Variants in UGDH observed in about 807,000 individuals in gnomAD.
The protein encoded by UGDH is UDP-Glc dehydrogenase.
In UGDH, 38 loss-of-function variants were observed where a neutral mutation model predicts 50.6. The observed-to-expected ratio is 0.75, with a 90% CI of 0.58 to 0.98. The LOEUF (loss-of-function observed/expected upper bound fraction) is 0.98. UGDH is among the 50% of genes least tolerant of loss of function. UGDH has a pLI of 0.00. For synonymous variants in UGDH, 168 were observed against 199.9 expected (o/e 0.84, Z 1.35); for missense variants, 465 against 606.2 (o/e 0.77, Z 2.45).
intron 11 of UGDH, 67 bp downstream of exon 11, chr4:39,503,808 C>T (rs1745918632): frequency 2.2e-6 from 3 of 1,378,742 alleles, no homozygotes; most frequent in Non-Finnish European, 3.0e-6. Flanking sequence ...GATTATAGTC[C>T]CCAGTTGTTG....
chr4:39,524,662 C>G (rs1746805436), intron 1 of UGDH, among the ~76,000 whole-genome samples: 1 of 152,102 alleles, frequency 6.6e-6, no homozygotes, highest in African/African-American at 2.4e-5. Context: ...GTGTCCGCCA[C>G]CATGTCCAGC....
At chr4:39,502,557 T>C (rs1264048478) in intron 11 of UGDH, among the ~76,000 whole-genome samples, 1 of 152,164 alleles carries the variant, frequency 6.6e-6, no homozygotes, top group Non-Finnish European at 1.5e-5. Context: ...TGGCATATTT[T>C]TTTATTCTCC....
Position 39,500,119 on chromosome 4 carries a change from AATC to A in UGDH, c.*21_*23del. On this transcript the variant is annotated 3_prime_UTR_variant, in exon 12 of 12. Coordinates refer to ENST00000316423, the MANE Select transcript of UGDH (RefSeq NM_003359.4). ...TGAAGTACCAAAAAAAAAAAAAAAA[AATC>A]ACAAATAAAAATGGCAATCTCTACA... 7.4e-7 allele frequency: 1 copy of A among 1,358,796 alleles called. No individual in the cohort carries two copies. The highest frequency in any genetic ancestry group is 1.0e-6 in the Non-Finnish European group (1 of 998,418). The allele number at this position is 1,358,796 out of a possible 1,614,324, so 84.2% of individuals were successfully genotyped here.
At chr4:39,507,104 C>G (rs1180716664) in intron 7 of UGDH, among the ~76,000 whole-genome samples, 1 of 152,196 alleles carries the variant, frequency 6.6e-6, no homozygotes, top group African/African-American at 2.4e-5. Flanking sequence ...GGGAAAGGCA[C>G]ATATACCGAC....
intron 6 of UGDH, 25 bp from the exon 7 acceptor site, chr4:39,508,685 T>C: frequency 6.4e-7 from 1 of 1,573,752 alleles, no homozygotes; most frequent in Non-Finnish European, 8.6e-7. Flanking sequence ...AAATGAACAA[T>C]ATTTTCATGT....
chr4:39,501,357 C>G (rs1745807408), intron 11 of UGDH, among the ~76,000 whole-genome samples: 1 of 150,908 alleles, frequency 6.6e-6, no homozygotes. Context: ...TCACTGCAAG[C>G]TCTGCCTCCC....
chr4:39,509,960 A>AT, intron 5 of UGDH, 53 bp from the exon 6 acceptor site: 1 of 1,539,690 alleles, frequency 6.5e-7, no homozygotes, highest in South Asian at 1.2e-5. Context: ...CAGCAATTTT[A>AT]TACATCTAGT....
At chr4:39,509,995 A>G in intron 5 of UGDH, 88 bp from the exon 6 acceptor site, 1 of 1,400,922 alleles carries the variant, frequency 7.1e-7, no homozygotes, top group Non-Finnish European at 9.5e-7. Context: ...GTTGACGCAA[A>G]TTACTGAGGG....
intron 1 of UGDH, chr4:39,526,978 T>TA: frequency 7.8e-7 from 1 of 1,284,140 alleles, no homozygotes; most frequent in Non-Finnish European, 1.0e-6. Context: ...CGTTCGGCTT[T>TA]GGAGGCGGCA....
At chr4:39,524,147 T>C (rs1746783158) in intron 1 of UGDH, among the ~76,000 whole-genome samples, 1 of 152,188 alleles carries the variant, frequency 6.6e-6, no homozygotes, top group South Asian at 2.1e-4. Context: ...TCTTTTAGGG[T>C]TACCACTTAA....
intron 1 of UGDH, among the ~76,000 whole-genome samples, chr4:39,526,725 A>C (rs1746911333): frequency 6.6e-6 from 1 of 152,114 alleles, no homozygotes; most frequent in Admixed American, 6.6e-5. Context: ...CATCAAACAG[A>C]GCAATTCTGT....
chr4:39,525,071 G>A (rs1746820709), intron 1 of UGDH, among the ~76,000 whole-genome samples: 1 of 152,218 alleles, frequency 6.6e-6, no homozygotes, highest in South Asian at 2.1e-4. Context: ...TGTACAATCT[G>A]TGCAAGTCCA....
chr4:39,510,673 G>A lies in UGDH; in HGVS notation c.453C>T (p.Asn151=), dbSNP rs376215867. The change falls in exon 4 of 12, where the codon AAC becomes AAT. Residue 151 remains asparagine, a synonymous_variant. Transcript: ENST00000316423. ...RRIFDANTKP[N]LNLQVLSNPE... is the part of the protein sequence containing the mutation. ...TCATTTTTTATACCTGTAAATTCAA[G>A]TTGGGTTTTGTGTTTGCATCAAATA... 2 of 1,614,242 alleles carry A rather than the reference G, an allele frequency of 1.2e-6. No homozygotes were observed. The highest frequency in any genetic ancestry group is 2.7e-5 in the African/African-American group (2 of 75,068).
chr4:39,522,768 T>G (rs1746719033), intron 1 of UGDH, among the ~76,000 whole-genome samples: 1 of 151,428 alleles, frequency 6.6e-6, no homozygotes, highest in Non-Finnish European at 1.5e-5. Flanking sequence ...TCATGACTTT[T>G]TTTTTTTTTT....
chr4:39,527,099 T>C, intron 1 of UGDH, 184 bp downstream of exon 1: 1 of 1,289,202 alleles, frequency 7.8e-7, no homozygotes, highest in Non-Finnish European at 1.0e-6. Flanking sequence ...AGGACAGCAG[T>C]TCCAAAATGC....
At chr4:39,527,015 T>A in intron 1 of UGDH, 1 of 1,288,352 alleles carries the variant, frequency 7.8e-7, no homozygotes, top group Non-Finnish European at 1.0e-6. Context: ...GTCAGGAAAG[T>A]GGGTAAAGGC....
chr4:39,504,567 G>C, intron 9 of UGDH, 59 bp from the exon 10 acceptor site: 1 of 1,434,294 alleles, frequency 7.0e-7, no homozygotes, highest in Non-Finnish European at 9.7e-7. Context: ...TGACATTACA[G>C]TAGTTCCCCC....
intron 11 of UGDH, among the ~76,000 whole-genome samples, chr4:39,503,508 C>T (rs981412389): frequency 1.3e-5 from 2 of 152,082 alleles, no homozygotes; most frequent in African/African-American, 4.8e-5. Flanking sequence ...ACCTTTAGAT[C>T]GCAAATTTAG....
chr4:39,507,330 T>A (rs745557958), intron 7 of UGDH, among the ~76,000 whole-genome samples: 2 of 152,224 alleles, frequency 1.3e-5, no homozygotes, highest in Non-Finnish European at 2.9e-5. Flanking sequence ...GCTCTGTGAG[T>A]CTGAAAGGTC....
Sources: allele counts gnomAD v4.1 joint callset (sites outside exome capture counted in the v4.1 genomes callset), GRCh38; gene constraint gnomAD v4.1.1; transcripts MANE v1.5; gene names NCBI Gene and HGNC (gene_info 2026-07-23, HGNC 2026-07-21).